CRHBP: variants seen among roughly 807,000 people sequenced by gnomAD.
The protein encoded by CRHBP is corticotropin releasing hormone binding protein.
In CRHBP, 19 loss-of-function variants were observed where a neutral mutation model predicts 34.9. The ratio of observed to expected loss-of-function variants is 0.55; its 90% CI spans 0.38 to 0.80. The LOEUF (loss-of-function observed/expected upper bound fraction) is 0.80. CRHBP is among the 30% of genes least tolerant of loss of function. The probability of loss-of-function intolerance (pLI) is 0.00; values close to 1 mark genes in which losing one functional copy is unlikely to be tolerated. For missense variants in CRHBP, 328 were observed against 409.2 expected (o/e 0.80, Z 1.71); for synonymous variants, 154 against 153.4 (o/e 1.00, Z -0.03).
chr5:76,957,251 TAAGTATAATTAAAAATATGAA>T (rs1745697248), intron 4 of CRHBP, among the ~76,000 whole-genome samples: 1 of 152,106 alleles, frequency 6.6e-6, no homozygotes, highest in Non-Finnish European at 1.5e-5. Flanking sequence ...TTTTTGAAAG[TAAGTATAATTAAAAATATGAA>T]AAGGAGGCAA....
chr5:76,979,472 T>C (rs1293537458), intron 3 of CRHBP, among the ~76,000 whole-genome samples: 1 of 152,156 alleles, frequency 6.6e-6, no homozygotes, highest in African/African-American at 2.4e-5. Context: ...TGCCTCAGCC[T>C]CCCGAGTAGC....
At position 76,975,815 on chromosome 5, in the gene CRHBP, AAAAAAAAAAAAT is replaced by A. The variant is rs1452386694; in HGVS notation, n.312-548_312-537del. Among the ~76,000 whole-genome samples, 53 of 86,124 alleles carry A rather than the reference AAAAAAAAAAAAT, an allele frequency of 6.2e-4. 6 individuals are homozygous for A. Among genetic ancestry groups the A allele is most frequent in the African/African-American group, 3.7e-3 (50 of 13,654 alleles). The allele number at this position is 86,124 out of a possible 152,430, so 56.5% of individuals were successfully genotyped here. ...CGAGACTCTGTCTCAAAAAAAAAAA[AAAAAAAAAAAAT>A]ATATATATATATATATATACACGCA... On this transcript the variant is annotated intron_variant and non_coding_transcript_variant, in intron 2 of 3. Coordinates refer to the CRHBP transcript ENST00000514258.
intron 3 of CRHBP, 66 bp from the exon 4 acceptor site, chr5:76,955,587 T>C: frequency 2.0e-6 from 3 of 1,470,518 alleles, no homozygotes; most frequent in Non-Finnish European, 1.9e-6. Context: ...CCCCCCCTTT[T>C]CAACTCATTT....
At chr5:76,953,398 C>A in intron 1 of CRHBP, 183 bp downstream of exon 1, 1 of 823,860 alleles carries the variant, frequency 1.2e-6, no homozygotes, top group Non-Finnish European at 2.0e-6. Context: ...CCCAGACTGC[C>A]TGCCTGCCTT....
chr5:76,963,687 A>T (rs1055104585), intron 6 of CRHBP, among the ~76,000 whole-genome samples: 1 of 152,136 alleles, frequency 6.6e-6, no homozygotes, highest in Non-Finnish European at 1.5e-5. Flanking sequence ...GCCTTAAGTA[A>T]AACTATGAAA....
At chr5:76,967,919 A>G (rs1380442824) in intron 6 of CRHBP, among the ~76,000 whole-genome samples, 2 of 152,028 alleles carry the variant, frequency 1.3e-5, no homozygotes, top group Non-Finnish European at 2.9e-5. Context: ...GGCTGGTCTC[A>G]AACTCCTGAC....
intron 6 of CRHBP, among the ~76,000 whole-genome samples, chr5:76,965,976 CG>C: frequency 6.6e-6 from 1 of 152,142 alleles, no homozygotes. Context: ...CCCTAGCGAG[CG>C]GCTCAAGGGC....
At chr5:76,973,421 A>G (rs937111499), downstream of CRHBP, among the ~76,000 whole-genome samples, 4 of 152,196 alleles carry the variant, frequency 2.6e-5, no homozygotes, top group African/African-American at 9.6e-5. Flanking sequence ...GTTTTCCAGT[A>G]AAATATCTCT....
At chr5:76,959,856 A>G (rs1745748223) in intron 5 of CRHBP, among the ~76,000 whole-genome samples, 1 of 152,110 alleles carries the variant, frequency 6.6e-6, no homozygotes, top group Non-Finnish European at 1.5e-5. Context: ...ATAGAAGATG[A>G]AAGGTGTGAG....
intron 5 of CRHBP, among the ~76,000 whole-genome samples, chr5:76,960,167 G>A (rs574852386): frequency 1.1e-4 from 17 of 152,318 alleles, no homozygotes; most frequent in African/African-American, 3.8e-4. Flanking sequence ...GACAGTGACT[G>A]GGAGCATGGG....
rs148736437 is a variant in CRHBP, at chr5:76,964,097, T to G, written c.811+637T>G. ...CAGATCTATGTCAGAGACAAGTGAG[T>G]ATTTTCACTTTTTTATGCTCATGTC... On this transcript the variant is annotated intron_variant, in intron 6 of 6. Transcript: ENST00000274368. Among the ~76,000 whole-genome samples the G allele has an allele frequency of 1.3e-3, 194 of 152,068 alleles. 1 individual carries two copies. The highest frequency in any genetic ancestry group is 4.5e-3 in the African/African-American group (185 of 41,478).
chr5:76,956,678 C>T (rs979642950), intron 4 of CRHBP, among the ~76,000 whole-genome samples: 7 of 151,476 alleles, frequency 4.6e-5, no homozygotes, highest in Non-Finnish European at 7.4e-5. Flanking sequence ...GAGCTGAGAT[C>T]GCGCCACTGC....
At chr5:76,968,707 T>C (rs1452500132) in intron 6 of CRHBP, 21 bp from the exon 7 acceptor site, 2 of 1,585,872 alleles carry the variant, frequency 1.3e-6, no homozygotes, top group Non-Finnish European at 1.7e-6. Flanking sequence ...GGGAAACTTT[T>C]ATCTTTTCCA....
intron 5 of CRHBP, among the ~76,000 whole-genome samples, chr5:76,961,861 C>T (rs996258812): frequency 3.9e-5 from 6 of 152,152 alleles, no homozygotes; most frequent in African/African-American, 1.4e-4. Flanking sequence ...TCAAGTGATT[C>T]TCCCACCTCA....
chr5:76,963,762 G>A (rs1745818367), intron 6 of CRHBP, among the ~76,000 whole-genome samples: 1 of 152,050 alleles, frequency 6.6e-6, no homozygotes, highest in Non-Finnish European at 1.5e-5. Flanking sequence ...TCATTTTCTA[G>A]AGACTAAAGA....
chr5:76,956,641 G>A (rs767272884), intron 4 of CRHBP, among the ~76,000 whole-genome samples: 14 of 151,962 alleles, frequency 9.2e-5, no homozygotes, highest in African/African-American at 2.9e-4. Context: ...AGAGAATGGC[G>A]TGAACCTGGG....
At chr5:76,980,108 A>C (rs1429831265) in intron 3 of CRHBP, among the ~76,000 whole-genome samples, 2 of 151,370 alleles carry the variant, frequency 1.3e-5, no homozygotes, top group Non-Finnish European at 3.0e-5. Flanking sequence ...AAAAAAAATT[A>C]GCCGGGCGTG....
chr5:76,953,086 G>A lies in CRHBP; in HGVS notation c.-49G>A. 6.3e-7 allele frequency: 1 copy of A among 1,595,426 alleles called. No homozygotes were observed. The highest frequency in any genetic ancestry group is 2.2e-5 in the East Asian group (1 of 44,786). On this transcript the variant is annotated 5_prime_UTR_variant, in exon 1 of 7. Transcript: ENST00000274368. ...TCTGCGCGAGGGTGTAGGAAGGAAA[G>A]CCCAGGACCTCCGGAGCAGAGCACA...
chr5:76,961,477 T>G (rs1322859605), intron 5 of CRHBP, among the ~76,000 whole-genome samples: 2 of 152,182 alleles, frequency 1.3e-5, no homozygotes, highest in African/African-American at 4.8e-5. Context: ...AATTAAAGTT[T>G]TTTTCCTTTA....
Sources: gnomAD v4.1 joint callset for allele counts (sites outside exome capture counted in the v4.1 genomes callset) on GRCh38, gnomAD v4.1.1 for gene constraint, MANE v1.5 for transcripts, NCBI Gene and HGNC (gene_info 2026-07-23, HGNC 2026-07-21) for gene names.